Variants in ITPR1 observed in about 807,000 individuals in gnomAD.
ITPR1 encodes inositol 1,4,5-trisphosphate receptor type 1, also known as inositol 1,4,5-trisphosphate-gated calcium channel ITPR1.
A neutral mutation model predicts 318.4 loss-of-function variants in ITPR1; 96 were observed. The ratio of observed to expected loss-of-function variants is 0.30; its 90% CI spans 0.26 to 0.36. The LOEUF (loss-of-function observed/expected upper bound fraction) is 0.36, where lower values mean the gene tolerates loss of function less well. ITPR1 is among the 10% of genes least tolerant of loss of function. The probability of loss-of-function intolerance (pLI) is 1.00; values close to 1 mark genes in which losing one functional copy is unlikely to be tolerated. For missense variants in ITPR1, 2,440 were observed against 3,460.2 expected, an observed-to-expected ratio of 0.71 and a Z score of 7.40; for synonymous variants, 1,312 against 1,289.9, an observed-to-expected ratio of 1.02 and a Z score of -0.37.
At chr3:4,635,986 G>A (rs1241678925) in intron 5 of ITPR1, among the ~76,000 whole-genome samples, 1 of 151,394 alleles carries the variant, frequency 6.6e-6, no homozygotes, top group Admixed American at 6.6e-5. Context: ...TCAGCCTCCC[G>A]AGCAGCTGGG....
intron 18 of ITPR1, among the ~76,000 whole-genome samples, chr3:4,668,755 C>A (rs111713158): frequency 6.6e-6 from 1 of 152,168 alleles, no homozygotes; most frequent in Non-Finnish European, 1.5e-5. Context: ...CGTGAGCCAC[C>A]GCGCTCGGCC....
At chr3:4,533,867 A>G (rs1001835639) in intron 4 of ITPR1, among the ~76,000 whole-genome samples, 1 of 152,224 alleles carries the variant, frequency 6.6e-6, no homozygotes, top group African/African-American at 2.4e-5. Flanking sequence ...CCTTCTGTAT[A>G]GAATTACAAG....
Position 4,685,089 on chromosome 3 carries a change from A to G in ITPR1, c.3585A>G (p.Lys1195=). ...ACTAGATTTTGATTCGGCTTAGCAA[A>G]CTCTGTGTTCAAGAGAGTGCCTCAG... is the stretch of plus-strand genomic sequence containing the variant. The part of the protein sequence containing the change: ...VVKEILIRLS[K]LCVQESASVR... The change falls in exon 30 of 62, where the codon AAA becomes AAG. Residue 1195 remains lysine, a synonymous_variant. Coordinates refer to ENST00000649015, the MANE Select transcript of ITPR1 (RefSeq NM_001378452.1). 6.2e-7 allele frequency: 1 copy of G among 1,610,680 alleles called. No homozygotes were observed. Among genetic ancestry groups the G allele is most frequent in the Non-Finnish European group, 8.5e-7 (1 of 1,178,502 alleles).
Position 4,645,692 on chromosome 3 carries a change from A to T in ITPR1, c.819A>T (p.Thr273=), listed in dbSNP as rs886058580. 23 of 1,613,602 alleles carry T rather than the reference A, an allele frequency of 1.4e-5. No individual in the cohort carries two copies. The highest frequency in any genetic ancestry group is 1.9e-5 in the Non-Finnish European group (22 of 1,179,802). ...FLRTTGRQSA[T]SATSSKALWE... is the part of the protein sequence containing the mutation. Reference sequence around the variant, plus strand: ...GAACCACGGGCCGGCAGTCGGCCACATCTGCCACCAGTTCAAAAGCCCTGT... The same window carrying T: ...GAACCACGGGCCGGCAGTCGGCCACTTCTGCCACCAGTTCAAAAGCCCTGT... Residue 273 remains threonine, a synonymous_variant, in exon 10 of 62, where the codon ACA becomes ACT. Coordinates refer to ENST00000649015, the MANE Select transcript of ITPR1 (RefSeq NM_001378452.1).
chr3:4,794,410 C>G (rs1462890780), intron 52 of ITPR1, among the ~76,000 whole-genome samples: 2 of 152,202 alleles, frequency 1.3e-5, no homozygotes, highest in African/African-American at 4.8e-5. Flanking sequence ...CTGCTGCTGA[C>G]CACGAGGTCA....
chr3:4,807,167 T>A (rs2048628383), intron 55 of ITPR1, among the ~76,000 whole-genome samples: 1 of 25,016 alleles, frequency 4.0e-5, no homozygotes, highest in Non-Finnish European at 7.5e-5. Context: ...AGAGGGGGGC[T>A]TACAAAGAGA....
intron 4 of ITPR1, among the ~76,000 whole-genome samples, chr3:4,590,743 G>A (rs954219549): frequency 2.6e-5 from 4 of 151,740 alleles, no homozygotes; most frequent in Non-Finnish European, 4.4e-5. Flanking sequence ...TTAGGTTTGG[G>A]GGTACATGTG....
intron 4 of ITPR1, among the ~76,000 whole-genome samples, chr3:4,563,920 G>A (rs1265082307): frequency 1.3e-5 from 2 of 151,850 alleles, no homozygotes; most frequent in Non-Finnish European, 2.9e-5. Context: ...AAATCAAAGT[G>A]TCAGCTGAGT....
In ITPR1 at chr3:4,680,773, G is replaced by T. The variant is rs1319757467; in HGVS notation, c.3106+82G>T. ...TGGGGAGAGCAAACAGTATCTTCTA[G>T]AAAAAGGGTGAAAATGGTTTTGAGG... is the stretch of plus-strand genomic sequence containing the variant. On this transcript the variant is annotated intron_variant, in intron 25 of 61. Coordinates refer to ENST00000649015, the MANE Select transcript of ITPR1 (RefSeq NM_001378452.1). 14 of 1,235,724 alleles carry T rather than the reference G, an allele frequency of 1.1e-5. No homozygotes were observed. In the East Asian group the frequency reaches 3.3e-4, roughly 29 times the overall value. 76.5% of individuals were successfully genotyped at this position (1,235,724 alleles called of 1,614,324 possible). A position where few individuals can be genotyped will look rare whatever the true frequency, so the allele number is the denominator to read the frequency against.
At position 4,826,011 on chromosome 3, in the gene ITPR1, C is replaced by A; in HGVS notation, c.8028+7769C>A. 2 of 355,674 alleles carry A rather than the reference C, an allele frequency of 5.6e-6. No individual in the cohort carries two copies. Among genetic ancestry groups the A allele is most frequent in the East Asian group, 7.5e-5 (1 of 13,402 alleles). The allele number at this position is 355,674 out of a possible 1,614,324, so 22.0% of individuals were successfully genotyped here. A position where few individuals can be genotyped will look rare whatever the true frequency, so the allele number is the denominator to read the frequency against. ...AGGAACTCAGAAGTTGGAGTCCCTG[C>A]CAGACAGCACTTAGGTGCAGGAGAG... On this transcript the variant is annotated intron_variant, in intron 60 of 61. Coordinates refer to ENST00000649015, the MANE Select transcript of ITPR1 (RefSeq NM_001378452.1). The surrounding 1 kb of genome is among the most constrained non-coding windows in gnomAD (Gnocchi z 4.2).
chr3:4,783,983 C>T (rs943396800), intron 51 of ITPR1, 63 bp downstream of exon 51: 36 of 1,112,848 alleles, frequency 3.2e-5, no homozygotes, highest in Non-Finnish European at 4.7e-5. Flanking sequence ...CAATGCCCTG[C>T]TCTGGGGCTG....
chr3:4,765,988 T>A (rs1027971826), intron 44 of ITPR1, among the ~76,000 whole-genome samples: 8 of 152,256 alleles, frequency 5.3e-5, no homozygotes, highest in African/African-American at 1.9e-4. Context: ...TGAGCATTTA[T>A]AATATAATTG....
intron 54 of ITPR1, among the ~76,000 whole-genome samples, chr3:4,805,465 A>G (rs1308279121): frequency 6.6e-6 from 1 of 152,198 alleles, no homozygotes; most frequent in Non-Finnish European, 1.5e-5. Flanking sequence ...GCCAGGTTGG[A>G]GCCCCACCCA....
Position 4,775,460 on chromosome 3 carries a change from T to C in ITPR1, c.6180+18T>C. On this transcript the variant is annotated intron_variant, in intron 47 of 61. Transcript: ENST00000649015. ...AGAACCAGGTAATTAAATTTCTGTT[T>C]TGGGATGGGGAAAAAAAGTGTCCCA... The C allele has an allele frequency of 6.3e-7, 1 of 1,589,516 alleles. No individual in the cohort carries two copies. Among genetic ancestry groups the C allele is most frequent in the Non-Finnish European group, 8.6e-7 (1 of 1,160,962 alleles).
rs534723696 is a variant in ITPR1, at chr3:4,779,388, G to C, written c.6292-162G>C. ...GTCTGAAGGGGGATGCTCTCTGCCT[G>C]GTGCAGATGGATTTTGATGTCCTTA... On this transcript the variant is annotated intron_variant, in intron 48 of 61. Transcript: ENST00000649015. This position sits in a 1 kb window ranked among gnomAD's most constrained non-coding sequence, Gnocchi z 4.0. 2.0e-5 allele frequency among the ~76,000 whole-genome samples: 3 copies of C among 152,242 alleles called. No homozygotes were observed. Among genetic ancestry groups the C allele is most frequent in the African/African-American group, 7.2e-5 (3 of 41,472 alleles).
intron 42 of ITPR1, among the ~76,000 whole-genome samples, chr3:4,730,229 A>C: frequency 1.4e-5 from 2 of 146,562 alleles, no homozygotes; most frequent in South Asian, 2.2e-4. Flanking sequence ...AAAAAAAAAA[A>C]ACAAAAAAAA....
intron 13 of ITPR1, 118 bp from the exon 14 acceptor site, chr3:4,660,870 T>A: frequency 1.9e-6 from 1 of 522,890 alleles, no homozygotes; most frequent in Non-Finnish European, 3.4e-6. Context: ...TACTGCCCAG[T>A]GTATGCAGTA....
chr3:4,754,047 A>AT (rs1474275588), intron 44 of ITPR1, among the ~76,000 whole-genome samples: 3 of 67,012 alleles, frequency 4.5e-5, no homozygotes, highest in Non-Finnish European at 6.7e-5. Context: ...AACACAGAAA[A>AT]TGGGGGGGGG....
intron 60 of ITPR1, among the ~76,000 whole-genome samples, chr3:4,827,982 C>G (rs2050190983): frequency 6.6e-6 from 1 of 152,116 alleles, no homozygotes. Flanking sequence ...TCCATCACTT[C>G]TTTCTCGGTG....
Sources: allele counts gnomAD v4.1 joint callset (sites outside exome capture counted in the v4.1 genomes callset), GRCh38; gene constraint gnomAD v4.1.1; non-coding constraint Gnocchi (gnomAD v3.1); transcripts MANE v1.5; gene names NCBI Gene and HGNC (gene_info 2026-07-23, HGNC 2026-07-21).